The following BCAS3 variants were observed in gnomAD, a reference collection of about 807,000 sequenced individuals.
BCAS3 encodes BCAS4/BCAS3 fusion.
Under a neutral mutation model 116.1 loss-of-function variants are expected in BCAS3, and 53 were observed. The ratio of observed to expected loss-of-function variants is 0.46; its 90% CI spans 0.37 to 0.57. The LOEUF (loss-of-function observed/expected upper bound fraction) is 0.57, where lower values mean the gene tolerates loss of function less well. Ranked by LOEUF, BCAS3 falls within the 20% of genes least tolerant of loss-of-function variation. The probability of loss-of-function intolerance (pLI) is 0.00; values close to 1 mark genes in which losing one functional copy is unlikely to be tolerated. For synonymous variants in BCAS3, 391 were observed against 408.2 expected, an observed-to-expected ratio of 0.96 and a Z score of 0.51; for missense variants, 917 against 1,165.4, an observed-to-expected ratio of 0.79 and a Z score of 3.10.
At chr17:60,725,745 A>G (rs550705299) in intron 5 of BCAS3, among the ~76,000 whole-genome samples, 1 of 152,330 alleles carries the variant, frequency 6.6e-6, no homozygotes, top group East Asian at 1.9e-4. Flanking sequence ...CTGAGGTTGA[A>G]AAACCTTGGT....
intron 22 of BCAS3, among the ~76,000 whole-genome samples, chr17:61,303,864 C>T (rs2053636022): frequency 6.6e-6 from 1 of 152,162 alleles, no homozygotes; most frequent in Non-Finnish European, 1.5e-5. Context: ...AGTCTTGTGC[C>T]TGGCACTTAG....
intron 7 of BCAS3, among the ~76,000 whole-genome samples, chr17:60,825,508 TATA>T (rs1419605603): frequency 1.4e-5 from 2 of 143,430 alleles, no homozygotes; most frequent in East Asian, 2.0e-4. Context: ...AATAATTATT[TATA>T]ATAATTTATA....
At position 61,087,992 on chromosome 17, in the gene BCAS3, G is replaced by A. The variant is rs141866058; in HGVS notation, c.2425+3428G>A. Among the ~76,000 whole-genome samples the A allele has an allele frequency of 5.3e-4, 80 of 152,198 alleles. No individual in the cohort carries two copies. Among genetic ancestry groups the A allele is most frequent in the African/African-American group, 1.8e-3 (74 of 41,534 alleles). On this transcript the variant is annotated intron_variant, in intron 22 of 23. Coordinates refer to ENST00000407086, the MANE Select transcript of BCAS3 (RefSeq NM_017679.5). The surrounding 1 kb of genome is among the most constrained non-coding windows in gnomAD (Gnocchi z 4.6). ...AGGTCAGGTGTTTGAGACCAGCCTG[G>A]CTAACATGGCAAAACCCCGTCCCTA...
At position 60,961,720 on chromosome 17, in the gene BCAS3, C is replaced by T. The variant is rs891034911; in HGVS notation, c.1221+14368C>T. 1.3e-5 allele frequency among the ~76,000 whole-genome samples: 2 copies of T among 151,994 alleles called. No homozygotes were observed. The highest frequency in any genetic ancestry group is 4.8e-5 in the African/African-American group (2 of 41,354). Reference sequence around the variant, plus strand: ...CTTCCCCTTCATTCACCCTGCCCCACACTTCCTGGCCTCTGATAACTGCCA... The same window carrying T: ...CTTCCCCTTCATTCACCCTGCCCCATACTTCCTGGCCTCTGATAACTGCCA... On this transcript the variant is annotated intron_variant, in intron 14 of 23. Coordinates refer to ENST00000407086, the MANE Select transcript of BCAS3 (RefSeq NM_017679.5). The surrounding 1 kb of genome is among the most constrained non-coding windows in gnomAD (Gnocchi z 4.8).
chr17:60,762,866 T>C (rs2043679508), intron 6 of BCAS3, among the ~76,000 whole-genome samples: 1 of 151,718 alleles, frequency 6.6e-6, no homozygotes, highest in Non-Finnish European at 1.5e-5. Flanking sequence ...GTATCCTCTT[T>C]TATTCCGTTG....
chr17:61,386,019 C>G (rs769828199), intron 23 of BCAS3, among the ~76,000 whole-genome samples: 5 of 152,184 alleles, frequency 3.3e-5, no homozygotes, highest in Non-Finnish European at 7.4e-5. Flanking sequence ...TCCTGTGGAT[C>G]ATCACAATGA....
intron 23 of BCAS3, among the ~76,000 whole-genome samples, chr17:61,372,545 G>A (rs911898451): frequency 1.3e-5 from 2 of 151,934 alleles, no homozygotes; most frequent in Non-Finnish European, 2.9e-5. Context: ...CCTCTCTTCG[G>A]GCCCTTTCCT....
intron 12 of BCAS3, among the ~76,000 whole-genome samples, chr17:60,918,996 C>T (rs779572505): frequency 5.3e-5 from 8 of 151,984 alleles, no homozygotes; most frequent in Non-Finnish European, 8.8e-5. Context: ...CCTGGACTCA[C>T]TTGTATTTTT....
At chr17:60,959,316 A>AT (rs930033285) in intron 14 of BCAS3, among the ~76,000 whole-genome samples, 255 of 150,286 alleles carry the variant, frequency 1.7e-3, no homozygotes, top group African/African-American at 5.9e-3. Flanking sequence ...CAAAAAAAAA[A>AT]TTTTTTTTTT....
At position 61,362,643 on chromosome 17, in the gene BCAS3, T is replaced by G. The variant is rs2058513617; in HGVS notation, c.2426-5684T>G. On this transcript the variant is annotated intron_variant, in intron 22 of 23. Coordinates refer to ENST00000407086, the MANE Select transcript of BCAS3 (RefSeq NM_017679.5). This position sits in a 1 kb window ranked among gnomAD's most constrained non-coding sequence, Gnocchi z 4.4. ...TGTCACAGCATGCCTTTAATGGGTT[T>G]GTGAAACCCAAGAACCTGACCCATT... 6.6e-6 allele frequency: 1 copy of G among 152,228 alleles called. No homozygotes were observed. 9.4% of individuals were successfully genotyped at this position (152,228 alleles called of 1,614,324 possible).
intron 19 of BCAS3, among the ~76,000 whole-genome samples, chr17:61,047,040 G>GA (rs1198802812): frequency 6.6e-6 from 1 of 151,916 alleles, no homozygotes; most frequent in African/African-American, 2.4e-5. Context: ...GTGGTGGAAG[G>GA]AAGGGGGAAC....
In BCAS3 at chr17:61,083,328, C is replaced by CAT. The variant is rs948593894; in HGVS notation, c.2328-1131_2328-1130dup. 6.7e-6 allele frequency among the ~76,000 whole-genome samples: 1 copy of CAT among 148,518 alleles called. No individual in the cohort carries two copies. Among genetic ancestry groups the CAT allele is most frequent in the Admixed American group, 6.6e-5 (1 of 15,244 alleles). On this transcript the variant is annotated intron_variant, in intron 21 of 23. Transcript: ENST00000407086. The surrounding 1 kb of genome is among the most constrained non-coding windows in gnomAD (Gnocchi z 4.9). ...TGTCATGAATGTTCATGTGCTATGT[C>CAT]ATATATATACACATTGGTCTGTATT...
chr17:61,367,749 TA>T lies in BCAS3; in HGVS notation c.2426-576del, dbSNP rs1405222508. Reference sequence around the variant, plus strand: ...GTTATAGGTTATAGAATATAATGGTTAAGAAAGCTTTAAAAACATTAGGCTA... The same window carrying T: ...GTTATAGGTTATAGAATATAATGGTTAGAAAGCTTTAAAAACATTAGGCTA... On this transcript the variant is annotated intron_variant, in intron 22 of 23. Coordinates refer to ENST00000407086, the MANE Select transcript of BCAS3 (RefSeq NM_017679.5). The surrounding 1 kb of genome is among the most constrained non-coding windows in gnomAD (Gnocchi z 6.2). 3 of 152,222 alleles carry T rather than the reference TA, an allele frequency of 2.0e-5. No individual in the cohort carries two copies. Among genetic ancestry groups the T allele is most frequent in the Non-Finnish European group, 4.4e-5 (3 of 68,040 alleles). 9.4% of individuals were successfully genotyped at this position (152,222 alleles called of 1,614,324 possible).
At chr17:60,929,684 G>A (rs887166326) in intron 13 of BCAS3, among the ~76,000 whole-genome samples, 1 of 147,868 alleles carries the variant, frequency 6.8e-6, no homozygotes, top group Non-Finnish European at 1.5e-5. Context: ...TCGTCATTTA[G>A]CATTAGGTAT....
Position 61,388,450 on chromosome 17 carries a change from C to T in BCAS3, c.2594-3527C>T, listed in dbSNP as rs2059962830. On this transcript the variant is annotated intron_variant, in intron 23 of 23. Coordinates refer to ENST00000407086, the MANE Select transcript of BCAS3 (RefSeq NM_017679.5). The surrounding 1 kb of genome is among the most constrained non-coding windows in gnomAD (Gnocchi z 6.5). ...ACCCCCAAGACAGATTGGTCCCCAG[C>T]CCCTACACATGCATGTCACTGTCCT... The T allele has an allele frequency of 3.3e-6, 2 of 612,212 alleles. No homozygotes were observed. The highest frequency in any genetic ancestry group is 2.9e-5 in the East Asian group (1 of 34,498). 37.9% of individuals were successfully genotyped at this position (612,212 alleles called of 1,614,324 possible). A position where few individuals can be genotyped will look rare whatever the true frequency, so the allele number is the denominator to read the frequency against.
intron 5 of BCAS3, among the ~76,000 whole-genome samples, chr17:60,721,557 A>C (rs1489494856): frequency 6.6e-6 from 1 of 152,156 alleles, no homozygotes. Context: ...GGCAGTAGAC[A>C]TTACTGTGAG....
chr17:60,877,017 A>G (rs901862832), intron 9 of BCAS3, among the ~76,000 whole-genome samples: 1 of 152,114 alleles, frequency 6.6e-6, no homozygotes, highest in Non-Finnish European at 1.5e-5. Context: ...CAGAATGTTT[A>G]GTTAATGAAA....
At position 61,228,656 on chromosome 17, in the gene BCAS3, C is replaced by T. The variant is rs964612995; in HGVS notation, c.2426-139671C>T. Among the ~76,000 whole-genome samples, 5 of 152,096 alleles carry T rather than the reference C, an allele frequency of 3.3e-5. 1 individual carries two copies. Among genetic ancestry groups the T allele is most frequent in the African/African-American group, 1.2e-4 (5 of 41,412 alleles). ...TACTATTGTAATCGTTTGGGGGCAC[C>T]CTCAAGCTATGCCCATGTAAAACAG... On this transcript the variant is annotated intron_variant, in intron 22 of 23. Transcript: ENST00000407086. This position sits in a 1 kb window ranked among gnomAD's most constrained non-coding sequence, Gnocchi z 5.0.
chr17:61,003,387 C>CCCCTCCCCTCCCCTCCCCTT (rs2064405605), intron 15 of BCAS3, among the ~76,000 whole-genome samples: 1 of 121,600 alleles, frequency 8.2e-6, no homozygotes, highest in Non-Finnish European at 1.7e-5. Flanking sequence ...CCCCTCCCCT[C>CCCCTCCCCTCCCCTCCCCTT]CCCTCCCCTC....
Sources: gnomAD v4.1 joint callset for allele counts (sites outside exome capture counted in the v4.1 genomes callset) on GRCh38, gnomAD v4.1.1 for gene constraint, Gnocchi (gnomAD v3.1) non-coding constraint, MANE v1.5 for transcripts, NCBI Gene and HGNC (gene_info 2026-07-23, HGNC 2026-07-21) for gene names.